EDNRB: variants seen among roughly 807,000 people sequenced by gnomAD.
EDNRB encodes the protein endothelin receptor type B, also known as Hirschsprung disease 2.
EDNRB carries 18 observed loss-of-function variants against 46.4 expected under a neutral mutation model. The observed-to-expected ratio is 0.39, with a 90% CI of 0.27 to 0.57. The LOEUF is 0.57. Among genes scored for constraint, EDNRB ranks in the 20% least tolerant of loss-of-function variants. The probability of loss-of-function intolerance (pLI) is 0.61; values close to 1 mark genes in which losing one functional copy is unlikely to be tolerated. For missense variants in EDNRB, 434 were observed against 537.5 expected (o/e 0.81, Z 1.90); for synonymous variants, 213 against 204.9 (o/e 1.04, Z -0.34).
chr13:77,949,527 C>T lies in EDNRB; in HGVS notation c.-52+25820G>A, dbSNP rs370159994. Among the ~76,000 whole-genome samples the T allele has an allele frequency of 1.8e-4, 27 of 152,308 alleles. No homozygotes were observed. The East Asian group carries it at 4.4e-3, about 25-fold the overall frequency. On this transcript the variant is annotated intron_variant, in intron 1 of 7. Coordinates refer to the EDNRB transcript ENST00000646948. ...CCTTTTGCCCTTTGTCTTCCAAAAACTTTTACCCCAGTAAATCTCTTCCAC... is the reference window on the plus strand; with the variant it reads ...CCTTTTGCCCTTTGTCTTCCAAAAATTTTTACCCCAGTAAATCTCTTCCAC...
chr13:77,931,235 A>C (rs948286690), intron 1 of EDNRB, among the ~76,000 whole-genome samples: 4 of 152,196 alleles, frequency 2.6e-5, no homozygotes, highest in Non-Finnish European at 5.9e-5. Context: ...GGAAAGGCTG[A>C]GTTTTATTAG....
chr13:77,970,150 G>A (rs1881687789), intron 1 of EDNRB, among the ~76,000 whole-genome samples: 1 of 152,112 alleles, frequency 6.6e-6, no homozygotes, highest in Non-Finnish European at 1.5e-5. Context: ...AATCAATACT[G>A]AACAAAATTG....
chr13:77,936,510 A>G (rs1255666679), intron 1 of EDNRB, among the ~76,000 whole-genome samples: 3 of 152,182 alleles, frequency 2.0e-5, no homozygotes, highest in African/African-American at 7.2e-5. Flanking sequence ...GGGCGGACTT[A>G]TCTTCCACTG....
intron 6 of EDNRB, among the ~76,000 whole-genome samples, chr13:77,898,621 T>A (rs1878762991): frequency 6.6e-6 from 1 of 152,014 alleles, no homozygotes; most frequent in Non-Finnish European, 1.5e-5. Flanking sequence ...TAATATTTGA[T>A]AAACATATAA....
rs560180703 is a variant in EDNRB at position 77,907,972 on chromosome 13, C to T, written c.484-4365G>A. Among the ~76,000 whole-genome samples, 4 of 127,086 alleles carry T rather than the reference C, an allele frequency of 3.1e-5. No homozygotes were observed. In the East Asian group the frequency reaches 7.1e-4, roughly 22 times the overall value. The allele number at this position is 127,086 out of a possible 152,430, so 83.4% of individuals were successfully genotyped here. A position where few individuals can be genotyped will look rare whatever the true frequency, so the allele number is the denominator to read the frequency against. Reference sequence around the variant, plus strand: ...GAGATAGTCAGACACGTAATCACCACGGAGAGATTACAGTTTTCTAGTCTA... The same window carrying T: ...GAGATAGTCAGACACGTAATCACCATGGAGAGATTACAGTTTTCTAGTCTA... On this transcript the variant is annotated intron_variant, in intron 1 of 6. Coordinates refer to ENST00000646607, the MANE Select transcript of EDNRB (RefSeq NM_001122659.3).
chr13:77,975,015 A>T (rs1249291361), intron 1 of EDNRB, among the ~76,000 whole-genome samples: 1 of 152,214 alleles, frequency 6.6e-6, no homozygotes, highest in African/African-American at 2.4e-5. Context: ...AAAAGGGCAC[A>T]CACACACTTT....
chr13:77,905,343 A>G (rs1879221877), intron 1 of EDNRB, among the ~76,000 whole-genome samples: 1 of 151,968 alleles, frequency 6.6e-6, no homozygotes, highest in South Asian at 2.1e-4. Flanking sequence ...CAATTTATTA[A>G]AGTCCAATTC....
intron 1 of EDNRB, among the ~76,000 whole-genome samples, chr13:77,908,445 A>G (rs62878560): frequency 7.1e-6 from 1 of 139,912 alleles, no homozygotes; most frequent in Admixed American, 7.1e-5. Flanking sequence ...AAAAAAAAAA[A>G]TTCACTCTCA....
chr13:77,967,445 G>A (rs1396609374), intron 1 of EDNRB, among the ~76,000 whole-genome samples: 4 of 152,114 alleles, frequency 2.6e-5, no homozygotes, highest in African/African-American at 9.7e-5. Flanking sequence ...TGAATAAAAG[G>A]CCAAGAGAAT....
At chr13:77,933,526 TC>T (rs1480254022) in intron 1 of EDNRB, among the ~76,000 whole-genome samples, 2 of 152,154 alleles carry the variant, frequency 1.3e-5, no homozygotes, top group East Asian at 3.8e-4. Flanking sequence ...CATTTTCATT[TC>T]TTTTGTGGTG....
intron 1 of EDNRB, among the ~76,000 whole-genome samples, chr13:77,909,768 T>G (rs1473164478): frequency 6.6e-6 from 1 of 152,028 alleles, no homozygotes; most frequent in Non-Finnish European, 1.5e-5. Flanking sequence ...GCAGAAATCA[T>G]CTATGACAAA....
At chr13:77,941,602 T>G (rs1880748001) in intron 1 of EDNRB, among the ~76,000 whole-genome samples, 1 of 152,250 alleles carries the variant, frequency 6.6e-6, no homozygotes, top group Non-Finnish European at 1.5e-5. Context: ...ATGAGGCAGT[T>G]TCTCTTAACA....
intron 1 of EDNRB, among the ~76,000 whole-genome samples, chr13:77,949,816 T>G (rs576476230): frequency 6.6e-6 from 1 of 152,258 alleles, no homozygotes; most frequent in African/African-American, 2.4e-5. Flanking sequence ...TAAATGCCCT[T>G]GAAACAAAAC....
intron 1 of EDNRB, among the ~76,000 whole-genome samples, chr13:77,951,507 G>C (rs1352946816): frequency 6.6e-6 from 1 of 152,126 alleles, no homozygotes; most frequent in African/African-American, 2.4e-5. Context: ...CAGAAATTGG[G>C]AGGGGCACAG....
intron 1 of EDNRB, among the ~76,000 whole-genome samples, chr13:77,961,781 G>A (rs1423207413): frequency 9.2e-5 from 14 of 152,276 alleles, no homozygotes; most frequent in African/African-American, 3.1e-4. Context: ...AACAAGATCA[G>A]TGCAGAACTG....
chr13:77,898,223 T>C lies in EDNRB; in HGVS notation c.1306A>G (p.Ser436Gly), dbSNP rs751760790. The C allele has an allele frequency of 1.9e-6, 3 of 1,611,982 alleles. No individual in the cohort carries two copies. The highest frequency in any genetic ancestry group is 2.5e-6 in the Non-Finnish European group (3 of 1,178,740). The change falls in exon 7 of 7, where the codon AGT becomes GGT. Residue 436 changes from serine to glycine, a missense_variant. Coordinates refer to ENST00000646607, the MANE Select transcript of EDNRB (RefSeq NM_001122659.3). ...TTTCAAGATGAGCTGTATTTATTACTGGAACGGAAGTTGTCATATCCGTGA... is the reference window on the plus strand; with the variant it reads ...TTTCAAGATGAGCTGTATTTATTACCGGAACGGAAGTTGTCATATCCGTGA... ...NDHGYDNFRS[S>G]NKYSSS
chr13:77,941,825 C>T (rs189589385), intron 1 of EDNRB, among the ~76,000 whole-genome samples: 23 of 152,196 alleles, frequency 1.5e-4, no homozygotes, highest in African/African-American at 5.3e-4. Context: ...AAAGCCTTGT[C>T]GAGAATACTG....
At position 77,961,355 on chromosome 13, in the gene EDNRB, A is replaced by G. The variant is rs184471480; in HGVS notation, c.-52+13992T>C. On this transcript the variant is annotated intron_variant, in intron 1 of 7. Coordinates refer to the EDNRB transcript ENST00000646948. ...AATCAACAGAATATACTTTCTTCTC[A>G]GCACCACGTCGCACATAGTTGGAAG... is the stretch of plus-strand genomic sequence containing the variant. 4.6e-5 allele frequency among the ~76,000 whole-genome samples: 7 copies of G among 151,968 alleles called. No individual in the cohort carries two copies. The East Asian group carries it at 1.4e-3, about 29-fold the overall frequency.
At chr13:77,953,571 G>C (rs970062528) in intron 1 of EDNRB, among the ~76,000 whole-genome samples, 3 of 152,092 alleles carry the variant, frequency 2.0e-5, no homozygotes, top group Non-Finnish European at 4.4e-5. Context: ...GGGTTAGAGG[G>C]TAGTGAAATA....
Sources: allele counts gnomAD v4.1 joint callset (sites outside exome capture counted in the v4.1 genomes callset), GRCh38; gene constraint gnomAD v4.1.1; transcripts MANE v1.5; gene names NCBI Gene and HGNC (gene_info 2026-07-23, HGNC 2026-07-21).